The following PHF14 variants were observed in gnomAD, a reference collection of about 807,000 sequenced individuals.
PHF14 encodes the protein PHD finger protein 14.
Under a neutral mutation model 117.9 loss-of-function variants are expected in PHF14, and 55 were observed. The ratio of observed to expected loss-of-function variants is 0.47; its 90% CI spans 0.38 to 0.58. The LOEUF is 0.58. PHF14 is among the 20% of genes least tolerant of loss of function. The probability of loss-of-function intolerance (pLI) is 0.00; values close to 1 mark genes in which losing one functional copy is unlikely to be tolerated. For synonymous variants in PHF14, 409 were observed against 368.6 expected (o/e 1.11, Z -1.26); for missense variants, 978 against 1,122.2 (o/e 0.87, Z 1.84).
At chr7:10,981,182 G>A (rs1425795626) in intron 2 of PHF14, among the ~76,000 whole-genome samples, 1 of 151,982 alleles carries the variant, frequency 6.6e-6, no homozygotes, top group Non-Finnish European at 1.5e-5. Flanking sequence ...AATTACAGAG[G>A]TTAAGCCTAG....
intron 16 of PHF14, among the ~76,000 whole-genome samples, chr7:11,066,738 G>A (rs372609599): frequency 6.6e-6 from 1 of 152,044 alleles, no homozygotes; most frequent in African/African-American, 2.4e-5. Context: ...TTTTCAATGT[G>A]GGCTTATTTC....
At chr7:11,071,585 A>G (rs183738327) in intron 16 of PHF14, among the ~76,000 whole-genome samples, 71 of 152,312 alleles carry the variant, frequency 4.7e-4, no homozygotes, top group African/African-American at 2.4e-5. Flanking sequence ...GATTTTTAGT[A>G]CATTTGTCAT....
intron 2 of PHF14, among the ~76,000 whole-genome samples, chr7:10,982,097 A>G (rs1352236768): frequency 2.0e-5 from 3 of 152,172 alleles, no homozygotes; most frequent in African/African-American, 7.2e-5. Flanking sequence ...GCCATATGAC[A>G]CAAATTAGTG....
At chr7:11,003,225 T>C (rs561134635) in intron 4 of PHF14, among the ~76,000 whole-genome samples, 1 of 152,218 alleles carries the variant, frequency 6.6e-6, no homozygotes, top group Non-Finnish European at 1.5e-5. Context: ...TCTGTTCATA[T>C]TATTTTCTGC....
intron 7 of PHF14, among the ~76,000 whole-genome samples, chr7:11,033,589 G>T (rs780002391): frequency 2.6e-5 from 4 of 152,092 alleles, no homozygotes; most frequent in Non-Finnish European, 5.9e-5. Flanking sequence ...AACTCATAGG[G>T]GTCTAGTACT....
intron 5 of PHF14, among the ~76,000 whole-genome samples, chr7:11,017,787 C>T (rs1340061367): frequency 6.6e-6 from 1 of 152,024 alleles, no homozygotes; most frequent in Non-Finnish European, 1.5e-5. Flanking sequence ...TATCTTTCGT[C>T]TGTTTTTGCT....
intron 16 of PHF14, chr7:11,106,075 G>T (rs1409753218): frequency 3.1e-6 from 3 of 983,036 alleles, no homozygotes; most frequent in Admixed American, 6.2e-5. Context: ...CTTCTCTCAT[G>T]CTGTGAAGAG....
At chr7:11,117,657 A>G (rs1033194586) in intron 17 of PHF14, among the ~76,000 whole-genome samples, 1 of 151,454 alleles carries the variant, frequency 6.6e-6, no homozygotes, top group African/African-American at 2.4e-5. Flanking sequence ...ATTTTCAAGT[A>G]AAACAGTCAT....
intron 17 of PHF14, among the ~76,000 whole-genome samples, chr7:11,154,049 C>T (rs1020376947): frequency 6.6e-6 from 1 of 151,958 alleles, no homozygotes; most frequent in Non-Finnish European, 1.5e-5. Flanking sequence ...CAGTTCATGT[C>T]GCCGGTAGGG....
chr7:10,981,851 A>G (rs548586989), intron 2 of PHF14, among the ~76,000 whole-genome samples: 2 of 152,318 alleles, frequency 1.3e-5, no homozygotes, highest in East Asian at 1.9e-4. Flanking sequence ...GTTGACTATC[A>G]TAAATATCTA....
At chr7:11,004,499 A>G (rs1168165468) in intron 4 of PHF14, among the ~76,000 whole-genome samples, 1 of 151,992 alleles carries the variant, frequency 6.6e-6, no homozygotes, top group Non-Finnish European at 1.5e-5. Flanking sequence ...CCATTCAGGT[A>G]CCATGAGTTG....
At chr7:11,012,034 A>C (rs1328192659) in intron 4 of PHF14, among the ~76,000 whole-genome samples, 1 of 152,154 alleles carries the variant, frequency 6.6e-6, no homozygotes, top group East Asian at 1.9e-4. Flanking sequence ...ATGATTATGG[A>C]TGTGACATTG....
intron 17 of PHF14, among the ~76,000 whole-genome samples, chr7:11,151,094 A>G (rs1267818448): frequency 1.3e-5 from 2 of 152,224 alleles, no homozygotes; most frequent in Admixed American, 6.5e-5. Context: ...TCATAATGCA[A>G]TGGTGAAATA....
intron 17 of PHF14, among the ~76,000 whole-genome samples, chr7:11,139,657 T>A (rs188684447): frequency 3.3e-5 from 5 of 152,310 alleles, no homozygotes; most frequent in Non-Finnish European, 7.4e-5. Context: ...ACTGGAGGTT[T>A]AAAAGGGAAG....
At chr7:10,975,954 A>T (rs1312193002) in intron 2 of PHF14, among the ~76,000 whole-genome samples, 1 of 152,184 alleles carries the variant, frequency 6.6e-6, no homozygotes, top group Non-Finnish European at 1.5e-5. Flanking sequence ...CAACAGCAGA[A>T]TTTGCATTGT....
At position 11,013,775 on chromosome 7, in the gene PHF14, C is replaced by G. The variant is rs760817256; in HGVS notation, c.1074C>G (p.Asp358Glu). Reference protein sequence around the residue: ...EGCYGVDGESDSIMSSASENS... With the variant: ...EGCYGVDGESESIMSSASENS... Reference sequence around the variant, plus strand: ...GTTATGGAGTTGATGGAGAGAGTGACTCTATTATGAGTTCAGCTTCTGAAA... The same window carrying G: ...GTTATGGAGTTGATGGAGAGAGTGAGTCTATTATGAGTTCAGCTTCTGAAA... The change falls in exon 5 of 18, where the codon GAC (aspartate) becomes GAG (glutamate). Residue 358 changes from aspartate to glutamate, a missense_variant. By Grantham distance (45) the Asp-to-Glu change is conservative (BLOSUM62 2). Transcript: ENST00000634607. The G allele has an allele frequency of 1.9e-6, 3 of 1,594,764 alleles. No individual in the cohort carries two copies. Among genetic ancestry groups the G allele is most frequent in the Non-Finnish European group, 2.6e-6 (3 of 1,167,026 alleles).
At chr7:11,154,226 T>A (rs1788780999) in intron 17 of PHF14, among the ~76,000 whole-genome samples, 1 of 152,138 alleles carries the variant, frequency 6.6e-6, no homozygotes, top group South Asian at 2.1e-4. Flanking sequence ...ATATTTACCA[T>A]TTATGTATAC....
At chr7:11,164,084 A>C (rs1233995177) in intron 17 of PHF14, among the ~76,000 whole-genome samples, 2 of 152,230 alleles carry the variant, frequency 1.3e-5, no homozygotes, top group African/African-American at 4.8e-5. Flanking sequence ...GAATATTTAA[A>C]ATCTAAAGAA....
chr7:11,167,602 A>G lies in PHF14; in HGVS notation c.2773-1814A>G, dbSNP rs560883519. ...ACCTTCCTTTGAGGAACAGATGGAC[A>G]AATTCAGTGCTACATATCAAAAATT... is the stretch of plus-strand genomic sequence containing the variant. On this transcript the variant is annotated intron_variant, in intron 17 of 17. Transcript: ENST00000634607. Among the ~76,000 whole-genome samples the G allele has an allele frequency of 3.1e-4, 47 of 152,346 alleles. 1 individual carries two copies. In the South Asian group the frequency reaches 7.7e-3, roughly 25 times the overall value.
Sources: allele counts gnomAD v4.1 joint callset (sites outside exome capture counted in the v4.1 genomes callset), GRCh38; gene constraint gnomAD v4.1.1; transcripts MANE v1.5; gene names NCBI Gene and HGNC (gene_info 2026-07-23, HGNC 2026-07-21).